The following GAS2L3 variants were observed in gnomAD, a reference collection of about 807,000 sequenced individuals.
The protein encoded by GAS2L3 is growth arrest specific 2 like 3.
A neutral mutation model predicts 37.0 loss-of-function variants in GAS2L3; 28 were observed. The ratio of observed to expected loss-of-function variants is 0.76; its 90% confidence interval spans 0.56 to 1.04. The LOEUF is 1.04. Ranked by LOEUF, GAS2L3 falls within the 50% of genes least tolerant of loss-of-function variation. The probability of loss-of-function intolerance (pLI) is 0.00; values close to 1 mark genes in which losing one functional copy is unlikely to be tolerated. For missense variants in GAS2L3, 793 were observed against 817.6 expected, an observed-to-expected ratio of 0.97 and a Z score of 0.37; for synonymous variants, 290 against 296.6, an observed-to-expected ratio of 0.98 and a Z score of 0.23.
chr12:100,590,518 A>G (rs905626734), intron 1 of GAS2L3, among the ~76,000 whole-genome samples: 2 of 152,208 alleles, frequency 1.3e-5, no homozygotes, highest in Non-Finnish European at 2.9e-5. Flanking sequence ...GAGATTCCTT[A>G]AAGAACTAAA....
At chr12:100,584,316 A>T (rs1955751157) in intron 1 of GAS2L3, among the ~76,000 whole-genome samples, 1 of 152,182 alleles carries the variant, frequency 6.6e-6, no homozygotes. Flanking sequence ...ACAAGCCTAG[A>T]TTAGTTAAGA....
chr12:100,599,083 A>T (rs1477749467), intron 3 of GAS2L3, among the ~76,000 whole-genome samples: 1 of 151,842 alleles, frequency 6.6e-6, no homozygotes, highest in Non-Finnish European at 1.5e-5. Context: ...CCGGATGCCC[A>T]CTCACCTCAC....
chr12:100,616,124 T>G (rs1477734854), intron 6 of GAS2L3, among the ~76,000 whole-genome samples: 1 of 152,224 alleles, frequency 6.6e-6, no homozygotes, highest in Non-Finnish European at 1.5e-5. Context: ...GAACATGAGA[T>G]GTCTTTATTT....
Position 100,605,250 on chromosome 12 carries a change from G to A in GAS2L3, c.303+3497G>A, listed in dbSNP as rs1052170536. Among the ~76,000 whole-genome samples the A allele has an allele frequency of 5.3e-5, 8 of 151,866 alleles. 1 individual carries two copies. Among genetic ancestry groups the A allele is most frequent in the African/African-American group, 1.9e-4 (8 of 41,500 alleles). ...TCTTTACTGGGAGGCTTTTTATTAC[G>A]GCTTTGATCTTGTTACTTGTTATTG... is the stretch of plus-strand genomic sequence containing the variant. On this transcript the variant is annotated intron_variant, in intron 5 of 9. Coordinates refer to ENST00000547754, the MANE Select transcript of GAS2L3 (RefSeq NM_174942.3).
At chr12:100,579,838 TGAAGTCAGGGGCATTGCTGGC>T in intron 1 of GAS2L3, 3 of 736,358 alleles carry the variant, frequency 4.1e-6, no homozygotes, top group Non-Finnish European at 7.5e-6. Context: ...ATTTTCCAAC[TGAAGTCAGGGGCATTGCTGGC>T]TCCAGAAAAT....
chr12:100,576,347 A>T (rs1955636796), intron 1 of GAS2L3, among the ~76,000 whole-genome samples: 1 of 152,230 alleles, frequency 6.6e-6, no homozygotes, highest in Non-Finnish European at 1.5e-5. Context: ...GTTGATGATG[A>T]GGAAAGTAAG....
chr12:100,613,885 C>T (rs1478032983), intron 6 of GAS2L3, among the ~76,000 whole-genome samples: 6 of 152,108 alleles, frequency 3.9e-5, no homozygotes, highest in Non-Finnish European at 7.4e-5. Flanking sequence ...TGAGCCACCA[C>T]GCCAGGCCAA....
chr12:100,579,988 T>C, intron 1 of GAS2L3: 1 of 971,550 alleles, frequency 1.0e-6, no homozygotes, highest in South Asian at 1.3e-5. Context: ...CTGGACAGAC[T>C]TATTTCTCAC....
In GAS2L3 at chr12:100,622,373, C is replaced by T. The variant is rs758749849; in HGVS notation, c.747C>T (p.Leu249=). Residue 249 remains leucine, a synonymous_variant, in exon 9 of 10, where the codon CTC becomes CTT. Transcript: ENST00000547754. ...EGRYRLGDKI[L]FIRMLHGKHV... is the part of the protein sequence containing the mutation. ...GGTACCGACTAGGGGATAAAATACT[C>T]TTTATAAGAGTAAGTCCATTATTTA... is the stretch of plus-strand genomic sequence containing the variant. The T allele has an allele frequency of 6.7e-7, 1 of 1,484,940 alleles. No individual in the cohort carries two copies. The highest frequency in any genetic ancestry group is 2.3e-5 in the East Asian group (1 of 43,956). 92.0% of individuals were successfully genotyped at this position (1,484,940 alleles called of 1,614,324 possible).
At chr12:100,587,999 C>T (rs1020251009) in intron 1 of GAS2L3, among the ~76,000 whole-genome samples, 5 of 152,144 alleles carry the variant, frequency 3.3e-5, no homozygotes, top group Non-Finnish European at 7.3e-5. Context: ...TTGCAGTGAG[C>T]TGAGATCGTG....
At chr12:100,607,250 T>C (rs1302330514) in intron 5 of GAS2L3, among the ~76,000 whole-genome samples, 1 of 152,194 alleles carries the variant, frequency 6.6e-6, no homozygotes, top group African/African-American at 2.4e-5. Flanking sequence ...GCCATGTCAC[T>C]CTCTCCTGGC....
chr12:100,610,950 C>T (rs1372110737), intron 5 of GAS2L3: 4 of 150,338 alleles, frequency 2.7e-5, no homozygotes, highest in Non-Finnish European at 5.9e-5. Context: ...TATTAATCTG[C>T]GTGGAAGGAA....
rs114674445 is a variant in GAS2L3 at position 100,608,807 on chromosome 12, G to T, written c.304-3193G>T. Among the ~76,000 whole-genome samples the T allele has an allele frequency of 2.3e-3, 357 of 152,224 alleles. 2 individuals are homozygous for T. Among genetic ancestry groups the T allele is most frequent in the African/African-American group, 8.2e-3 (341 of 41,524 alleles). ...ATTACAGGATTGAGCTGCTACACCC[G>T]GCCTGAAGTCTTAAACCTTAGAAAT... On this transcript the variant is annotated intron_variant, in intron 5 of 9. Transcript: ENST00000547754.
At chr12:100,579,461 A>C in intron 1 of GAS2L3, 1 of 813,500 alleles carries the variant, frequency 1.2e-6, no homozygotes, top group Non-Finnish European at 2.2e-6. Flanking sequence ...AAAGGGAACA[A>C]ATTTGGTTAG....
chr12:100,596,371 C>T (rs754686076), intron 3 of GAS2L3, among the ~76,000 whole-genome samples: 84 of 152,142 alleles, frequency 5.5e-4, no homozygotes, highest in Non-Finnish European at 9.1e-4. Context: ...CTTATTTCTA[C>T]ACTAATGGCC....
At chr12:100,595,026 T>C in intron 3 of GAS2L3, 104 bp downstream of exon 3, 1 of 495,544 alleles carries the variant, frequency 2.0e-6, no homozygotes, top group South Asian at 4.1e-5. Flanking sequence ...ATTGTGCTAG[T>C]TTTTTTAAGC....
At chr12:100,609,174 C>T (rs1956095763) in intron 5 of GAS2L3, among the ~76,000 whole-genome samples, 1 of 152,180 alleles carries the variant, frequency 6.6e-6, no homozygotes, top group African/African-American at 2.4e-5. Flanking sequence ...TGAGTTGGCC[C>T]CTAAGGCACA....
intron 5 of GAS2L3, among the ~76,000 whole-genome samples, chr12:100,605,469 G>A (rs1956044865): frequency 6.6e-6 from 1 of 151,512 alleles, no homozygotes; most frequent in African/African-American, 2.4e-5. Context: ...TTTTGGTACT[G>A]TTTTTGTCAT....
chr12:100,606,699 A>G (rs1956061195), intron 5 of GAS2L3, among the ~76,000 whole-genome samples: 2 of 152,074 alleles, frequency 1.3e-5, no homozygotes, highest in African/African-American at 2.4e-5. Context: ...TGCAAATAAT[A>G]TAACCCATTA....
Sources: allele counts gnomAD v4.1 joint callset (sites outside exome capture counted in the v4.1 genomes callset), GRCh38; gene constraint gnomAD v4.1.1; transcripts MANE v1.5; gene names NCBI Gene and HGNC (gene_info 2026-07-23, HGNC 2026-07-21).